CSMD2: variants seen among roughly 807,000 people sequenced by gnomAD.
The protein encoded by CSMD2 is CUB and Sushi multiple domains 2.
CSMD2 carries 130 observed loss-of-function variants against 398.5 expected under a neutral mutation model. The observed-to-expected ratio is 0.33, with a 90% CI of 0.28 to 0.38. The LOEUF (loss-of-function observed/expected upper bound fraction) is 0.38. Among genes scored for constraint, CSMD2 ranks in the 10% least tolerant of loss-of-function variants. CSMD2 has a pLI of 1.00. For synonymous variants in CSMD2, 1,828 were observed against 1,908.5 expected, an observed-to-expected ratio of 0.96 and a Z score of 1.10; for missense variants, 3,829 against 4,764.9, an observed-to-expected ratio of 0.80 and a Z score of 5.78.
intron 3 of CSMD2, among the ~76,000 whole-genome samples, chr1:34,016,031 G>A (rs1648054318): frequency 1.3e-5 from 2 of 151,902 alleles, no homozygotes; most frequent in Admixed American, 1.3e-4. Flanking sequence ...GTGTGTGTGT[G>A]TGTGTGTGTG....
chr1:33,550,389 G>A (rs558928188), intron 55 of CSMD2, 39 bp from the exon 56 acceptor site: 1 of 1,589,396 alleles, frequency 6.3e-7, no homozygotes, highest in Non-Finnish European at 8.6e-7. Context: ...ACTCTGCACA[G>A]GGATGGCTCA....
chr1:34,039,631 C>T (rs942061820), intron 2 of CSMD2, among the ~76,000 whole-genome samples: 5 of 152,254 alleles, frequency 3.3e-5, no homozygotes, highest in Middle Eastern at 3.4e-3. Flanking sequence ...GAAGCTCCAG[C>T]GTCAGTGACA....
At chr1:33,749,762 T>G (rs1017041037) in intron 13 of CSMD2, among the ~76,000 whole-genome samples, 3 of 152,206 alleles carry the variant, frequency 2.0e-5, no homozygotes, top group Non-Finnish European at 2.9e-5. Flanking sequence ...ATGGATAAGA[T>G]GGAGCATTTC....
intron 1 of CSMD2, among the ~76,000 whole-genome samples, chr1:34,119,925 C>A (rs1297909971): frequency 6.6e-6 from 1 of 152,074 alleles, no homozygotes; most frequent in Non-Finnish European, 1.5e-5. Context: ...GGGTCTATAT[C>A]CAAAAGAAAT....
chr1:33,684,413 T>C (rs1644999603), intron 25 of CSMD2, among the ~76,000 whole-genome samples: 1 of 152,156 alleles, frequency 6.6e-6, no homozygotes, highest in African/African-American at 2.4e-5. Flanking sequence ...GGGTCCCAGA[T>C]CTCTGCAGGG....
chr1:33,868,244 G>A (rs942961307), intron 5 of CSMD2, among the ~76,000 whole-genome samples: 3 of 152,180 alleles, frequency 2.0e-5, no homozygotes, highest in African/African-American at 4.8e-5. Flanking sequence ...CCATCTTGAT[G>A]ACTGAATCAC....
chr1:33,517,439 T>A (rs1389829209), intron 70 of CSMD2, among the ~76,000 whole-genome samples: 1 of 152,140 alleles, frequency 6.6e-6, no homozygotes, highest in Non-Finnish European at 1.5e-5. Context: ...TGTGTGGAGG[T>A]CAGCGGCATT....
intron 52 of CSMD2, 115 bp downstream of exon 52, chr1:33,569,259 A>G (rs1659352903): frequency 1.7e-6 from 2 of 1,153,840 alleles, no homozygotes; most frequent in South Asian, 4.0e-5. Flanking sequence ...TGGATTAAGC[A>G]TTTTATGTCA....
chr1:34,017,482 C>G (rs941640353), intron 3 of CSMD2, among the ~76,000 whole-genome samples: 3 of 152,214 alleles, frequency 2.0e-5, no homozygotes, highest in Non-Finnish European at 4.4e-5. Context: ...TGTGGCCAGG[C>G]ACAGTGGCTC....
chr1:33,808,881 T>C (rs890792232), intron 10 of CSMD2, among the ~76,000 whole-genome samples: 2 of 151,574 alleles, frequency 1.3e-5, no homozygotes, highest in African/African-American at 2.4e-5. Context: ...AAAAAGGGAA[T>C]TGAAACACAA....
intron 17 of CSMD2, 57 bp from the exon 18 acceptor site, chr1:33,724,761 C>A: frequency 6.7e-7 from 1 of 1,489,008 alleles, no homozygotes; most frequent in Non-Finnish European, 9.2e-7. Context: ...CAGAGGGACC[C>A]CAGTTGACTC....
chr1:33,616,638 A>G (rs1641407817), intron 39 of CSMD2, among the ~76,000 whole-genome samples: 2 of 152,230 alleles, frequency 1.3e-5, no homozygotes, highest in Non-Finnish European at 1.5e-5. Flanking sequence ...TGGTTGATTA[A>G]CTAGAGCCAG....
chr1:33,685,167 G>T (rs1213556275), intron 25 of CSMD2, among the ~76,000 whole-genome samples: 1 of 152,164 alleles, frequency 6.6e-6, no homozygotes, highest in African/African-American at 2.4e-5. Flanking sequence ...AATGTCTGGA[G>T]CTGCGGCAGC....
At chr1:33,835,806 G>A (rs535967826) in intron 6 of CSMD2, among the ~76,000 whole-genome samples, 23 of 150,882 alleles carry the variant, frequency 1.5e-4, no homozygotes, top group Non-Finnish European at 2.9e-4. Flanking sequence ...CCATGGGTTC[G>A]AACTTCATCC....
chr1:33,560,294 A>G (rs564414648), intron 53 of CSMD2, among the ~76,000 whole-genome samples: 1 of 152,290 alleles, frequency 6.6e-6, no homozygotes, highest in South Asian at 2.1e-4. Flanking sequence ...AGCCTTTATT[A>G]GTAAGCGAGG....
intron 14 of CSMD2, among the ~76,000 whole-genome samples, chr1:33,742,584 C>A (rs1310126235): frequency 2.8e-4 from 39 of 139,194 alleles, no homozygotes; most frequent in Non-Finnish European, 2.3e-4. Context: ...TCTGCCCCCC[C>A]CCCCCCAACC....
chr1:33,588,355 A>T (rs1639219091), intron 44 of CSMD2, among the ~76,000 whole-genome samples: 1 of 150,872 alleles, frequency 6.6e-6, no homozygotes, highest in Non-Finnish European at 1.5e-5. Context: ...GCTGCAATGA[A>T]ATCTTTTTTT....
In CSMD2 at chr1:33,514,367, C is replaced by CA. The variant is rs1413108750; in HGVS notation, c.*2256_*2257insT. The CA allele has an allele frequency of 1.5e-5, 2 of 136,440 alleles. No homozygotes were observed. Among genetic ancestry groups the CA allele is most frequent in the African/African-American group, 5.4e-5 (2 of 36,978 alleles). The allele number at this position is 136,440 out of a possible 1,614,324, so 8.5% of individuals were successfully genotyped here. Reference sequence around the variant, plus strand: ...AAAGATTTTTTTTGTCTTTGTTTTACTTTTTTTTTTTTCCTCATGGGATGG... The same window carrying CA: ...AAAGATTTTTTTTGTCTTTGTTTTACATTTTTTTTTTTTCCTCATGGGATGG... On this transcript the variant is annotated 3_prime_UTR_variant, in exon 71 of 71. Coordinates refer to ENST00000373381, the MANE Select transcript of CSMD2 (RefSeq NM_001281956.2).
At chr1:33,783,431 T>TTCTCTCTCTCTCTCTCTCTCTCTC (rs55769634) in intron 12 of CSMD2, among the ~76,000 whole-genome samples, 13 of 135,150 alleles carry the variant, frequency 9.6e-5, no homozygotes, top group African/African-American at 3.8e-4. Context: ...CATTCTCTCA[T>TTCTCTCTCTCTCTCTCTCTCTCTC]TCTCTCTCTC....
Sources: gnomAD v4.1 joint callset for allele counts (sites outside exome capture counted in the v4.1 genomes callset) on GRCh38, gnomAD v4.1.1 for gene constraint, MANE v1.5 for transcripts, NCBI Gene and HGNC (gene_info 2026-07-23, HGNC 2026-07-21) for gene names.